The following NOL8 variants were observed in gnomAD, a reference collection of about 807,000 sequenced individuals.
The protein encoded by NOL8 is nucleolar protein Nop132.
Under a neutral mutation model 116.1 loss-of-function variants are expected in NOL8, and 93 were observed. The observed-to-expected ratio is 0.80, with a 90% confidence interval of 0.68 to 0.95. The LOEUF (loss-of-function observed/expected upper bound fraction) is 0.95. Ranked by LOEUF, NOL8 falls within the 40% of genes least tolerant of loss-of-function variation. The pLI, the probability that NOL8 is intolerant of heterozygous loss-of-function variation, is 0.00. For synonymous variants in NOL8, 419 were observed against 469.0 expected (o/e 0.89, Z 1.38); for missense variants, 1,291 against 1,382.8 (o/e 0.93, Z 1.05).
intron 3 of NOL8, 122 bp from the exon 4 acceptor site, chr9:92,321,868 A>G (rs1368915934): frequency 3.5e-6 from 2 of 572,766 alleles, no homozygotes; most frequent in Non-Finnish European, 5.9e-6. Context: ...ATCCAGGGGA[A>G]GTGGAAGAAA....
intron 4 of NOL8, 36 bp downstream of exon 4, chr9:92,321,632 A>G: frequency 7.9e-7 from 1 of 1,272,726 alleles, no homozygotes. Context: ...CAATATAAAA[A>G]AAATAGGGCT....
At chr9:92,320,559 G>A (rs954652624) in intron 4 of NOL8, among the ~76,000 whole-genome samples, 1 of 151,608 alleles carries the variant, frequency 6.6e-6, no homozygotes, top group Non-Finnish European at 1.5e-5. Flanking sequence ...TCTGGAACAA[G>A]CTTATCAACT....
chr9:92,316,403 A>T (rs974559064), intron 6 of NOL8, among the ~76,000 whole-genome samples: 1 of 152,166 alleles, frequency 6.6e-6, no homozygotes, highest in Admixed American at 6.5e-5. Flanking sequence ...TAGCAAACCT[A>T]TTCAGATTAT....
Position 92,297,883 on chromosome 9 carries a change from A to C in NOL8, c.3457T>G (p.Cys1153Gly). ...EARTTNLRMD[C>G]RKKHKDAKRK... ...TTTGCGTCTTTATGTTTCTTTCGAC[A>C]ATCCTAGGAAAAAAAAAAGACTTGG... Residue 1153 changes from cysteine (C) to glycine (G), a missense_variant, in exon 17 of 17, where the codon TGT becomes GGT. Transcript: ENST00000442668. 6.5e-7 allele frequency: 1 copy of C among 1,543,142 alleles called. No homozygotes were observed.
chr9:92,298,491 C>G, intron 15 of NOL8, 155 bp from the exon 16 acceptor site: 1 of 561,066 alleles, frequency 1.8e-6, no homozygotes, highest in Non-Finnish European at 3.1e-6. Context: ...TTTTTCTTTC[C>G]AAATGAAAAA....
At chr9:92,314,233 T>A (rs1839132873) in intron 7 of NOL8, 34 bp downstream of exon 7, 1 of 1,509,316 alleles carries the variant, frequency 6.6e-7, no homozygotes, top group African/African-American at 1.4e-5. Flanking sequence ...CTTTCTGAGT[T>A]CTTGTTAAAT....
rs1839211720 is a variant in NOL8, at chr9:92,314,791, A to G, written c.1834T>C (p.Ser612Pro). ...ACATATGGGGACCCATCTTCCATGG[A>G]TATGATACTGGGATCCTCATGTTTC... ...SMKHEDPSII[S>P]MEDGSPYVNG... Residue 612 changes from serine (S) to proline (P), a missense_variant, in exon 7 of 17, where the codon TCC (serine) becomes CCC (proline). Physicochemically the swap from Ser to Pro is moderately conservative, Grantham distance 74. Coordinates refer to ENST00000442668, the MANE Select transcript of NOL8 (RefSeq NM_017948.6). The G allele has an allele frequency of 1.2e-6, 2 of 1,613,766 alleles. No homozygotes were observed. Among genetic ancestry groups the G allele is most frequent in the Non-Finnish European group, 1.7e-6 (2 of 1,179,832 alleles).
chr9:92,299,330 C>T (rs1837518334), intron 14 of NOL8, among the ~76,000 whole-genome samples: 1 of 152,208 alleles, frequency 6.6e-6, no homozygotes. Context: ...TGTTTCCAGA[C>T]CAGTGACTTC....
intron 12 of NOL8, among the ~76,000 whole-genome samples, chr9:92,304,718 C>A (rs1838078371): frequency 6.6e-6 from 1 of 152,064 alleles, no homozygotes; most frequent in Admixed American, 6.5e-5. Flanking sequence ...TCCTAAATAG[C>A]CTTCACTTTG....
intron 16 of NOL8, 54 bp from the exon 17 acceptor site, chr9:92,297,940 C>A: frequency 1.4e-6 from 2 of 1,426,216 alleles, no homozygotes; most frequent in South Asian, 2.6e-5. Flanking sequence ...TTAAGATGTT[C>A]AGTAGATAGA....
At chr9:92,318,204 C>T (rs1260076392) in intron 6 of NOL8, among the ~76,000 whole-genome samples, 1 of 152,084 alleles carries the variant, frequency 6.6e-6, no homozygotes, top group South Asian at 2.1e-4. Flanking sequence ...CCACCATCCT[C>T]GTGCTTGCCC....
At chr9:92,319,385 G>C in intron 4 of NOL8, 29 bp from the exon 5 acceptor site, 1 of 1,510,066 alleles carries the variant, frequency 6.6e-7, no homozygotes, top group South Asian at 1.3e-5. Flanking sequence ...ACAAATAAAA[G>C]AGTCAAAATA....
chr9:92,300,331 T>C, intron 13 of NOL8: 4 of 998,472 alleles, frequency 4.0e-6, no homozygotes, highest in Non-Finnish European at 4.8e-6. Context: ...AAAATAACCA[T>C]GGCATCTGTG....
chr9:92,303,271 G>C (rs901808421), intron 12 of NOL8, among the ~76,000 whole-genome samples: 5 of 152,166 alleles, frequency 3.3e-5, no homozygotes, highest in African/African-American at 9.7e-5. Flanking sequence ...GTCTAAAGAA[G>C]GGGTTGGCAA....
At chr9:92,313,269 T>G (rs1839018625) in intron 7 of NOL8, among the ~76,000 whole-genome samples, 1 of 152,196 alleles carries the variant, frequency 6.6e-6, no homozygotes, top group South Asian at 2.1e-4. Context: ...AGGCTCTCCT[T>G]GGTTACAGAC....
In NOL8 at chr9:92,315,040, G is replaced by C. The variant is rs773877253; in HGVS notation, c.1585C>G (p.Pro529Ala). ...TGTCGGCCTCTGCGGAGGCCAGTGG[G>C]AGTCTTGGGGCTCTTGGAGCCTCTG... ...FDRGSKSPKTPTGLRRGRQCI... is the reference protein window; with the variant it reads ...FDRGSKSPKTATGLRRGRQCI... The change falls in exon 7 of 17, where the codon CCC becomes GCC. Residue 529 changes from proline (P) to alanine (A), a missense_variant. Pro to Ala is a conservative substitution (Grantham distance 27, BLOSUM62 -1). Coordinates refer to ENST00000442668, the MANE Select transcript of NOL8 (RefSeq NM_017948.6). 4 of 1,613,934 alleles carry C rather than the reference G, an allele frequency of 2.5e-6. No homozygotes were observed. Among genetic ancestry groups the C allele is most frequent in the Admixed American group, 1.7e-5 (1 of 60,002 alleles).
rs781625743 is a variant in NOL8 at position 92,300,852 on chromosome 9, A to C, written c.3175+699T>G. On this transcript the variant is annotated intron_variant, in intron 13 of 16. Coordinates refer to ENST00000442668, the MANE Select transcript of NOL8 (RefSeq NM_017948.6). ...AAAATTATTTTAATCTACCAAACAC[A>C]TGTATGCTATTTTAACTGCTGATCT... 2.7e-5 allele frequency: 29 copies of C among 1,063,430 alleles called. No individual in the cohort carries two copies. The African/African-American group carries it at 4.0e-4, about 15-fold the overall frequency. The allele number at this position is 1,063,430 out of a possible 1,614,324, so 65.9% of individuals were successfully genotyped here.
At chr9:92,307,529 C>G (rs3911019) in intron 10 of NOL8, among the ~76,000 whole-genome samples, 1 of 152,178 alleles carries the variant, frequency 6.6e-6, no homozygotes, top group Admixed American at 6.5e-5. Flanking sequence ...CCTACACATA[C>G]TAAGGCATCA....
Position 92,315,454 on chromosome 9 carries a change from C to T in NOL8, c.1171G>A (p.Val391Ile). 1 of 1,597,340 alleles carries T rather than the reference C, an allele frequency of 6.3e-7. No individual in the cohort carries two copies. Among genetic ancestry groups the T allele is most frequent in the Non-Finnish European group, 8.5e-7 (1 of 1,170,912 alleles). The change falls in exon 7 of 17, where the codon GTT becomes ATT. Residue 391 changes from valine (V) to isoleucine (I), a missense_variant. Val to Ile is a conservative substitution (Grantham distance 29, BLOSUM62 3). Transcript: ENST00000442668. ...TDEIIAMKKN[V>I]AKVKNSTEFS... ...TCTGTACTGTTTTTGACCTTAGCAACATTTTTTTTCATCGCAATAATTTCA... is the reference window on the plus strand; with the variant it reads ...TCTGTACTGTTTTTGACCTTAGCAATATTTTTTTTCATCGCAATAATTTCA...
Sources: allele counts gnomAD v4.1 joint callset (sites outside exome capture counted in the v4.1 genomes callset), GRCh38; gene constraint gnomAD v4.1.1; transcripts MANE v1.5; gene names NCBI Gene and HGNC (gene_info 2026-07-23, HGNC 2026-07-21).